The following KIRREL3 variants were observed in gnomAD, a reference collection of about 807,000 sequenced individuals.
KIRREL3 encodes kin of IRRE-like protein 3.
In KIRREL3, 36 loss-of-function variants were observed where a neutral mutation model predicts 89.7. The observed-to-expected ratio is 0.40, with a 90% CI of 0.31 to 0.53. The LOEUF is 0.53. Ranked by LOEUF, KIRREL3 falls within the 20% of genes least tolerant of loss-of-function variation. KIRREL3 has a pLI of 0.49. For missense variants in KIRREL3, 864 were observed against 1,056.6 expected (o/e 0.82, Z 2.53); for synonymous variants, 445 against 441.4 (o/e 1.01, Z -0.10).
At chr11:126,972,168 T>TAGAGAG (rs61426707) in intron 1 of KIRREL3, among the ~76,000 whole-genome samples, 9,841 of 119,800 alleles carry the variant, frequency 0.082, 532 homozygotes, top group East Asian at 0.15. Context: ...GAGGGTCTGG[T>TAGAGAG]AGAGAGAGAG....
intron 1 of KIRREL3, among the ~76,000 whole-genome samples, chr11:126,718,803 T>G (rs1447946166): frequency 1.4e-4 from 21 of 151,910 alleles, no homozygotes. Flanking sequence ...GGGATTAGGG[T>G]CACACCACCC....
chr11:126,675,315 G>T (rs1277466461), intron 1 of KIRREL3, among the ~76,000 whole-genome samples: 5 of 152,176 alleles, frequency 3.3e-5, no homozygotes, highest in Non-Finnish European at 5.9e-5. Context: ...GACCTAATGG[G>T]CTGGGTCTTT....
chr11:126,499,531 C>T (rs1334771967), intron 4 of KIRREL3, among the ~76,000 whole-genome samples: 1 of 152,180 alleles, frequency 6.6e-6, no homozygotes, highest in Non-Finnish European at 1.5e-5. Flanking sequence ...TTCAGATGCT[C>T]CAGCGTGGCT....
At chr11:126,512,646 C>T (rs1053524258) in intron 4 of KIRREL3, among the ~76,000 whole-genome samples, 7 of 152,294 alleles carry the variant, frequency 4.6e-5, no homozygotes, top group African/African-American at 1.4e-4. Context: ...TGGCAGACAC[C>T]CGAGGATCGA....
rs1297190108 is a variant in KIRREL3, at chr11:126,564,951, C to T, written c.56-2039G>A. On this transcript the variant is annotated intron_variant, in intron 1 of 16. Transcript: ENST00000525144. This position sits in a 1 kb window ranked among gnomAD's most constrained non-coding sequence, Gnocchi z 7.4. ...ATCATTAGAATGATACAATTGCTGACAATTCCTATTATATTTTTGCCATTG... is the reference window on the plus strand; with the variant it reads ...ATCATTAGAATGATACAATTGCTGATAATTCCTATTATATTTTTGCCATTG... 6.6e-6 allele frequency among the ~76,000 whole-genome samples: 1 copy of T among 152,208 alleles called. No individual in the cohort carries two copies. Among genetic ancestry groups the T allele is most frequent in the African/African-American group, 2.4e-5 (1 of 41,454 alleles).
At chr11:126,534,664 G>C (rs1342105540) in intron 2 of KIRREL3, among the ~76,000 whole-genome samples, 1 of 152,186 alleles carries the variant, frequency 6.6e-6, no homozygotes, top group Non-Finnish European at 1.5e-5. Flanking sequence ...CTGTCCCGGG[G>C]GCCCTTTAGA....
rs574315890 is a variant in KIRREL3, at chr11:126,643,820, A to G, written c.56-80908T>C. On this transcript the variant is annotated intron_variant, in intron 1 of 16. Coordinates refer to ENST00000525144, the MANE Select transcript of KIRREL3 (RefSeq NM_032531.4). This position sits in a 1 kb window ranked among gnomAD's most constrained non-coding sequence, Gnocchi z 4.5. ...AAGAGTTATTATGAACTGGTGACCA[A>G]AAAGATGAAGAGAATGAGGGGAGGA... 2.0e-5 allele frequency among the ~76,000 whole-genome samples: 3 copies of G among 152,198 alleles called. No homozygotes were observed. Among genetic ancestry groups the G allele is most frequent in the Non-Finnish European group, 4.4e-5 (3 of 68,038 alleles).
At chr11:126,572,236 G>C (rs1940987912) in intron 1 of KIRREL3, among the ~76,000 whole-genome samples, 1 of 152,216 alleles carries the variant, frequency 6.6e-6, no homozygotes, top group African/African-American at 2.4e-5. Flanking sequence ...CTGCCTCCAA[G>C]TATTCCCTTC....
rs1957101832 is a variant in KIRREL3 at position 126,477,590 on chromosome 11, T to A, written c.434-4124A>T. Among the ~76,000 whole-genome samples the A allele has an allele frequency of 6.6e-6, 1 of 152,134 alleles. No individual in the cohort carries two copies. The highest frequency in any genetic ancestry group is 2.4e-5 in the African/African-American group (1 of 41,434). On this transcript the variant is annotated intron_variant, in intron 4 of 16. Coordinates refer to ENST00000525144, the MANE Select transcript of KIRREL3 (RefSeq NM_032531.4). This position sits in a 1 kb window ranked among gnomAD's most constrained non-coding sequence, Gnocchi z 4.8. ...TTTCATCTATTTCACGCACTAAGGT[T>A]CTCTCTAACCTCTATACTCCCCTTT...
Position 126,456,399 on chromosome 11 carries a change from G to A in KIRREL3, c.798C>T (p.Val266=), listed in dbSNP as rs778877029. Reference sequence around the variant, plus strand: ...CCTTTGCAGAGCAGTGGAAAGTGACGACGTTGTCCTCCAGCACTGGCTGTG... The same window carrying A: ...CCTTTGCAGAGCAGTGGAAAGTGACAACGTTGTCCTCCAGCACTGGCTGTG... ...VEPQPVLEDN[V]VTFHCSAKAN... Residue 266 remains valine, a synonymous_variant, in exon 7 of 17, where the codon GTC becomes GTT. Transcript: ENST00000525144. The A allele has an allele frequency of 9.4e-6, 15 of 1,594,660 alleles. No homozygotes were observed. The highest frequency in any genetic ancestry group is 4.0e-5 in the African/African-American group (3 of 74,558).
chr11:126,803,617 G>A (rs911312615), intron 1 of KIRREL3, among the ~76,000 whole-genome samples: 3 of 152,040 alleles, frequency 2.0e-5, no homozygotes, highest in African/African-American at 4.8e-5. Context: ...ATTAGCTGGA[G>A]GAAATGGCCT....
intron 4 of KIRREL3, 98 bp from the exon 5 acceptor site, chr11:126,473,564 AATT>A (rs1956985487): frequency 2.0e-6 from 2 of 1,007,268 alleles, no homozygotes; most frequent in African/African-American, 3.2e-5. Flanking sequence ...AACAAACAAT[AATT>A]ATCACACATT....
intron 1 of KIRREL3, among the ~76,000 whole-genome samples, chr11:126,793,174 C>A (rs986342043): frequency 6.6e-5 from 9 of 135,900 alleles, no homozygotes; most frequent in African/African-American, 2.2e-4. Flanking sequence ...AAGATAATGA[C>A]CTTTTTAGTG....
intron 1 of KIRREL3, among the ~76,000 whole-genome samples, chr11:126,572,569 G>C (rs1409078722): frequency 2.6e-5 from 1 of 39,028 alleles, no homozygotes; most frequent in East Asian, 5.1e-3. Context: ...GTGGGAAGAG[G>C]GGACCCCCCC....
chr11:126,537,795 G>A lies in KIRREL3; in HGVS notation c.134-11108C>T, dbSNP rs1938023224. 6.6e-6 allele frequency among the ~76,000 whole-genome samples: 1 copy of A among 152,240 alleles called. No individual in the cohort carries two copies. The highest frequency in any genetic ancestry group is 6.5e-5 in the Admixed American group (1 of 15,288). ...ATATGTAAATGATCTTGGTAGACAG[G>A]TGTTTCACAAAGGGTCATTCTTACT... On this transcript the variant is annotated intron_variant, in intron 2 of 16. Coordinates refer to ENST00000525144, the MANE Select transcript of KIRREL3 (RefSeq NM_032531.4). The surrounding 1 kb of genome is among the most constrained non-coding windows in gnomAD (Gnocchi z 4.3).
At position 126,656,264 on chromosome 11, in the gene KIRREL3, T is replaced by C. The variant is rs1357079109; in HGVS notation, c.56-93352A>G. On this transcript the variant is annotated intron_variant, in intron 1 of 16. Coordinates refer to ENST00000525144, the MANE Select transcript of KIRREL3 (RefSeq NM_032531.4). This position sits in a 1 kb window ranked among gnomAD's most constrained non-coding sequence, Gnocchi z 4.0. ...CGTTCATATCTGTGAGATATCAGGC[T>C]GGTTTCTTAACCATAACCTCCATGA... 4 of 417,716 alleles carry C rather than the reference T, an allele frequency of 9.6e-6. No homozygotes were observed. The highest frequency in any genetic ancestry group is 6.9e-5 in the South Asian group (4 of 58,094). 25.9% of individuals were successfully genotyped at this position (417,716 alleles called of 1,614,324 possible).
intron 1 of KIRREL3, among the ~76,000 whole-genome samples, chr11:126,846,784 T>C (rs1318898830): frequency 6.6e-6 from 1 of 152,180 alleles, no homozygotes; most frequent in African/African-American, 2.4e-5. Context: ...TACTTAAGTT[T>C]GGAGGTTTAA....
chr11:126,998,438 C>A (rs1001517133), intron 1 of KIRREL3, among the ~76,000 whole-genome samples: 1 of 152,130 alleles, frequency 6.6e-6, no homozygotes, highest in Non-Finnish European at 1.5e-5. Flanking sequence ...TGTTTTCCAG[C>A]CTCTGGACCA....
rs1169039143 is a variant in KIRREL3 at position 126,486,495 on chromosome 11, C to T, written c.434-13029G>A. 6.6e-6 allele frequency among the ~76,000 whole-genome samples: 1 copy of T among 152,236 alleles called. No homozygotes were observed. Among genetic ancestry groups the T allele is most frequent in the Non-Finnish European group, 1.5e-5 (1 of 68,054 alleles). On this transcript the variant is annotated intron_variant, in intron 4 of 16. Transcript: ENST00000525144. The surrounding 1 kb of genome is among the most constrained non-coding windows in gnomAD (Gnocchi z 6.2). ...GGTGTGTTTGCAGGAATAACCGGCA[C>T]ATGCCCCCTTGCAGCCGCTCACAAA... is the stretch of plus-strand genomic sequence containing the variant.
Sources: allele counts gnomAD v4.1 joint callset (sites outside exome capture counted in the v4.1 genomes callset), GRCh38; gene constraint gnomAD v4.1.1; non-coding constraint Gnocchi (gnomAD v3.1); transcripts MANE v1.5; gene names NCBI Gene and HGNC (gene_info 2026-07-23, HGNC 2026-07-21).